Variants in TERB1 observed in about 807,000 individuals in gnomAD.
TERB1 encodes telomere repeats-binding bouquet formation protein 1.
A neutral mutation model predicts 92.3 loss-of-function variants in TERB1; 63 were observed. The observed-to-expected ratio is 0.68, with a 90% CI of 0.56 to 0.84. The LOEUF (loss-of-function observed/expected upper bound fraction) is 0.84. Among genes scored for constraint, TERB1 ranks in the 40% least tolerant of loss-of-function variants. TERB1 has a pLI of 0.00. For missense variants in TERB1, 709 were observed against 843.7 expected, an observed-to-expected ratio of 0.84 and a Z score of 1.98; for synonymous variants, 252 against 283.9, an observed-to-expected ratio of 0.89 and a Z score of 1.13.
intron 3 of TERB1, among the ~76,000 whole-genome samples, chr16:66,793,994 G>T (rs937934793): frequency 3.3e-5 from 5 of 152,140 alleles, no homozygotes; most frequent in African/African-American, 1.2e-4. Flanking sequence ...TTTGACTATG[G>T]ATACCAATAA....
chr16:66,767,027 T>C (rs557285630), intron 16 of TERB1, among the ~76,000 whole-genome samples: 156 of 152,172 alleles, frequency 1.0e-3, no homozygotes, highest in Non-Finnish European at 1.7e-3. Context: ...TGTAGAACTA[T>C]TATAAATTCT....
intron 17 of TERB1, 102 bp from the exon 18 acceptor site, chr16:66,758,940 A>T (rs1485204650): frequency 7.3e-6 from 7 of 959,276 alleles, no homozygotes; most frequent in Non-Finnish European, 1.1e-5. Context: ...TCTAGTGGGA[A>T]TACTTAGATA....
Position 66,790,719 on chromosome 16 carries a change from A to G in TERB1, c.147T>C (p.Asn49=). 3 of 1,550,950 alleles carry G rather than the reference A, an allele frequency of 1.9e-6. No individual in the cohort carries two copies. The highest frequency in any genetic ancestry group is 1.2e-5 in the South Asian group (1 of 83,922). The change falls in exon 5 of 19, where the codon AAT becomes AAC. Residue 49 remains asparagine, a synonymous_variant. Transcript: ENST00000433154. The part of the protein sequence containing the change: ...TIHSICQQNS[N]ASVYFREIGG... Reference sequence around the variant, plus strand: ...CAATTTCCCGAAAATAAACACTTGCATTACCTGTAGGATGTGCAGAAAAAA... The same window carrying G: ...CAATTTCCCGAAAATAAACACTTGCGTTACCTGTAGGATGTGCAGAAAAAA...
At chr16:66,768,595 C>G (rs1469277891) in intron 14 of TERB1, among the ~76,000 whole-genome samples, 2 of 152,090 alleles carry the variant, frequency 1.3e-5, no homozygotes, top group South Asian at 2.1e-4. Context: ...ACCCTGTAGT[C>G]CTTGATGAAT....
intron 2 of TERB1, among the ~76,000 whole-genome samples, chr16:66,797,759 G>A (rs1004770411): frequency 7.3e-5 from 11 of 151,396 alleles, no homozygotes; most frequent in African/African-American, 2.7e-4. Flanking sequence ...TCACTATGAT[G>A]TCCAGACTGG....
At chr16:66,799,898 C>A (rs1193134913) in intron 2 of TERB1, 1 of 152,170 alleles carries the variant, frequency 6.6e-6, no homozygotes, top group Non-Finnish European at 1.5e-5. Context: ...AAATTCTTTA[C>A]TGTATTCTCA....
At position 66,801,481 on chromosome 16, in the gene TERB1, G is replaced by C. The variant is rs763731520; in HGVS notation, c.-123C>G. The stretch of plus-strand genomic sequence containing the variant: ...GCGCCAACATACAGAGTTTCCAAGC[G>C]CGGTAAGGCAGGACAACAACGCGCG... On this transcript the variant is annotated 5_prime_UTR_variant, in exon 1 of 19. Transcript: ENST00000433154. The C allele has an allele frequency of 6.6e-6, 1 of 152,236 alleles. No homozygotes were observed. Among genetic ancestry groups the C allele is most frequent in the African/African-American group, 2.4e-5 (1 of 41,446 alleles). The allele number at this position is 152,236 out of a possible 1,614,324, so 9.4% of individuals were successfully genotyped here. A position where few individuals can be genotyped will look rare whatever the true frequency, so the allele number is the denominator to read the frequency against.
At chr16:66,765,913 G>A (rs1412159244) in intron 16 of TERB1, among the ~76,000 whole-genome samples, 4 of 116,790 alleles carry the variant, frequency 3.4e-5, no homozygotes, top group Non-Finnish European at 6.5e-5. Flanking sequence ...CGCCCAGGCC[G>A]GACTGCGGAC....
intron 1 of TERB1, among the ~76,000 whole-genome samples, 154 bp from the exon 2 acceptor site, chr16:66,801,207 T>C (rs993660268): frequency 6.6e-6 from 1 of 152,124 alleles, no homozygotes; most frequent in Admixed American, 6.5e-5. Context: ...TCTCCACACA[T>C]CAAAGTCACC....
At chr16:66,798,058 G>T (rs1323745555) in intron 2 of TERB1, among the ~76,000 whole-genome samples, 1 of 148,688 alleles carries the variant, frequency 6.7e-6, no homozygotes, top group Non-Finnish European at 1.5e-5. Flanking sequence ...ATAGAGCAAG[G>T]CCTTGTCTCA....
chr16:66,790,772 A>T (rs2018819420), intron 4 of TERB1, 49 bp from the exon 5 acceptor site: 2 of 1,525,620 alleles, frequency 1.3e-6, no homozygotes, highest in Admixed American at 2.0e-5. Flanking sequence ...ATTTATTTTC[A>T]GGGATAAAAT....
chr16:66,782,043 T>A (rs1039995403), intron 9 of TERB1, among the ~76,000 whole-genome samples: 5 of 152,210 alleles, frequency 3.3e-5, no homozygotes, highest in African/African-American at 4.8e-5. Context: ...TTCACTCTTA[T>A]ACTTATTTAA....
At chr16:66,785,681 C>G in intron 9 of TERB1, 105 bp downstream of exon 9, 1 of 1,209,636 alleles carries the variant, frequency 8.3e-7, no homozygotes, top group Non-Finnish European at 1.1e-6. Flanking sequence ...TCCAAAATAA[C>G]CCAAATTACA....
Position 66,778,934 on chromosome 16 carries a change from T to A in TERB1, c.782A>T (p.His261Leu). 1 of 1,538,414 alleles carries A rather than the reference T, an allele frequency of 6.5e-7. No individual in the cohort carries two copies. Among genetic ancestry groups the A allele is most frequent in the East Asian group, 2.5e-5 (1 of 40,540 alleles). ...AAGTTTAGCACTGGAAAGAGTCTCA[T>A]GTGAATCAGATTCCAGCTGCATGAG... ...QVLMQLESDS[H>L]ETLSSAKLAV... Residue 261 changes from histidine (H) to leucine (L), a missense_variant, in exon 10 of 19, where the codon CAT (histidine) becomes CTT (leucine). His to Leu is a moderately conservative substitution (Grantham distance 99). Transcript: ENST00000433154.
At chr16:66,777,544 T>C (rs891188958) in intron 10 of TERB1, among the ~76,000 whole-genome samples, 2 of 152,326 alleles carry the variant, frequency 1.3e-5, no homozygotes, top group Non-Finnish European at 2.9e-5. Context: ...CCTATTACTA[T>C]AACCCTCATT....
At position 66,798,364 on chromosome 16, in the gene TERB1, A is replaced by C. The variant is rs1194221729; in HGVS notation, c.-32-1534T>G. Among the ~76,000 whole-genome samples the C allele has an allele frequency of 3.9e-5, 6 of 152,170 alleles. No homozygotes were observed. The South Asian group carries it at 8.3e-4, about 21-fold the overall frequency. On this transcript the variant is annotated intron_variant, in intron 2 of 18. Transcript: ENST00000433154. ...TGGGCTAATTTTTTAATATTTTTGT[A>C]GAGACAGGGATTTTGCTATGTTGCC... is the stretch of plus-strand genomic sequence containing the variant.
At chr16:66,771,033 TAGACAC>T (rs368834352) in intron 13 of TERB1, among the ~76,000 whole-genome samples, 105 of 152,188 alleles carry the variant, frequency 6.9e-4, no homozygotes, top group African/African-American at 2.3e-3. Context: ...TATTTTTTTG[TAGACAC>T]AGGGTTTTGC....
intron 5 of TERB1, among the ~76,000 whole-genome samples, chr16:66,790,221 A>G (rs891966604): frequency 1.3e-5 from 2 of 149,074 alleles, no homozygotes; most frequent in African/African-American, 4.9e-5. Flanking sequence ...AGAAAGGAAA[A>G]GACAGGGAAA....
At chr16:66,778,723 G>A in intron 10 of TERB1, 140 bp downstream of exon 10, 1 of 693,636 alleles carries the variant, frequency 1.4e-6, no homozygotes, top group Non-Finnish European at 2.1e-6. Context: ...CAGCCATGTT[G>A]GATACTTTCT....
Sources: gnomAD v4.1 joint callset for allele counts (sites outside exome capture counted in the v4.1 genomes callset) on GRCh38, gnomAD v4.1.1 for gene constraint, MANE v1.5 for transcripts, NCBI Gene and HGNC (gene_info 2026-07-23, HGNC 2026-07-21) for gene names.